The following ELMO1 variants were observed in gnomAD, a reference collection of about 807,000 sequenced individuals.
The protein encoded by ELMO1 is engulfment and cell motility protein 1.
A neutral mutation model predicts 98.9 loss-of-function variants in ELMO1; 26 were observed. The observed-to-expected ratio is 0.26, with a 90% CI of 0.19 to 0.36. ELMO1 has a LOEUF of 0.36. ELMO1 is among the 10% of genes least tolerant of loss of function. The probability of loss-of-function intolerance (pLI) is 1.00; values close to 1 mark genes in which losing one functional copy is unlikely to be tolerated. For missense variants in ELMO1, 627 were observed against 935.2 expected (o/e 0.67, Z 4.30); for synonymous variants, 346 against 346.0 (o/e 1.00, Z 0.00).
chr7:37,060,147 G>T (rs1796592505), intron 15 of ELMO1, among the ~76,000 whole-genome samples: 1 of 152,170 alleles, frequency 6.6e-6, no homozygotes, highest in Admixed American at 6.5e-5. Context: ...TAACTTGTCA[G>T]GTGTCACAGA....
chr7:36,894,259 G>C (rs6955347), intron 17 of ELMO1, among the ~76,000 whole-genome samples: 330 of 152,280 alleles, frequency 2.2e-3, no homozygotes, highest in African/African-American at 7.7e-3. Flanking sequence ...GTTGCAAGTG[G>C]CATTCCTTGC....
intron 1 of ELMO1, among the ~76,000 whole-genome samples, chr7:37,430,834 TTAA>T (rs1190832244): frequency 6.6e-6 from 1 of 152,248 alleles, no homozygotes; most frequent in Non-Finnish European, 1.5e-5. Flanking sequence ...CTATGAGAAC[TTAA>T]TAAATTTCCC....
intron 13 of ELMO1, among the ~76,000 whole-genome samples, chr7:37,171,352 G>A (rs946126106): frequency 3.3e-5 from 5 of 151,914 alleles, no homozygotes; most frequent in Admixed American, 2.0e-4. Flanking sequence ...ACCAATCAGT[G>A]GCGTCATGGG....
chr7:37,344,881 T>C (rs1413995680), intron 1 of ELMO1, among the ~76,000 whole-genome samples: 1 of 152,230 alleles, frequency 6.6e-6, no homozygotes, highest in Non-Finnish European at 1.5e-5. Context: ...TTTTGAGAAA[T>C]TGATATCTGT....
intron 4 of ELMO1, among the ~76,000 whole-genome samples, chr7:37,307,920 C>T (rs983575367): frequency 2.6e-5 from 4 of 152,156 alleles, no homozygotes; most frequent in African/African-American, 9.7e-5. Context: ...AAAGACCAGC[C>T]TGGCCAACAT....
At chr7:37,313,007 T>C (rs1407202245) in intron 4 of ELMO1, among the ~76,000 whole-genome samples, 1 of 152,250 alleles carries the variant, frequency 6.6e-6, no homozygotes, top group Non-Finnish European at 1.5e-5. Flanking sequence ...CTTTAACTGC[T>C]ATCATTTAAC....
chr7:37,177,454 T>C (rs933634039), intron 13 of ELMO1, among the ~76,000 whole-genome samples: 3 of 152,250 alleles, frequency 2.0e-5, no homozygotes, highest in Admixed American at 6.5e-5. Context: ...ATTAGTAATA[T>C]TCAAGTTACA....
At chr7:37,237,540 T>C (rs1203392103) in intron 7 of ELMO1, among the ~76,000 whole-genome samples, 1 of 152,224 alleles carries the variant, frequency 6.6e-6, no homozygotes, top group Non-Finnish European at 1.5e-5. Flanking sequence ...TCCGCCCGCC[T>C]CAGCCTCCCA....
intron 16 of ELMO1, among the ~76,000 whole-genome samples, chr7:36,975,976 T>C (rs148311305): frequency 6.6e-6 from 1 of 152,246 alleles, no homozygotes; most frequent in East Asian, 1.9e-4. Flanking sequence ...TAGTTGGAAA[T>C]TGTTATCAAT....
At chr7:37,396,845 T>A (rs189137925) in intron 1 of ELMO1, among the ~76,000 whole-genome samples, 7 of 152,350 alleles carry the variant, frequency 4.6e-5, no homozygotes, top group Non-Finnish European at 4.4e-5. Context: ...GTTCAATAAG[T>A]GTTAGCCAGA....
chr7:36,960,164 T>C (rs560688286), intron 16 of ELMO1, among the ~76,000 whole-genome samples: 2 of 152,350 alleles, frequency 1.3e-5, no homozygotes, highest in South Asian at 2.1e-4. Context: ...CATTGAGTTA[T>C]TGGGTACTCA....
chr7:36,901,857 T>C (rs1226753378), intron 16 of ELMO1, among the ~76,000 whole-genome samples: 1 of 152,174 alleles, frequency 6.6e-6, no homozygotes, highest in Non-Finnish European at 1.5e-5. Flanking sequence ...ACAAGATGAC[T>C]CTGGGTGTTT....
chr7:36,945,163 A>G (rs1787370048), intron 16 of ELMO1, among the ~76,000 whole-genome samples: 1 of 152,156 alleles, frequency 6.6e-6, no homozygotes, highest in Non-Finnish European at 1.5e-5. Flanking sequence ...CTAATTTTCA[A>G]TTATGATTGT....
chr7:37,001,693 G>A (rs1216952797), intron 16 of ELMO1, among the ~76,000 whole-genome samples: 1 of 152,170 alleles, frequency 6.6e-6, no homozygotes, highest in Admixed American at 6.5e-5. Flanking sequence ...CAGGTAAATG[G>A]GGGAAGACGT....
chr7:37,156,200 T>C (rs1274753601), intron 13 of ELMO1, among the ~76,000 whole-genome samples: 1 of 152,152 alleles, frequency 6.6e-6, no homozygotes, highest in Non-Finnish European at 1.5e-5. Flanking sequence ...TTTATAGCAC[T>C]AAATGCCCAC....
chr7:37,099,698 T>C (rs1483007478), intron 14 of ELMO1, among the ~76,000 whole-genome samples: 2 of 152,234 alleles, frequency 1.3e-5, no homozygotes, highest in Non-Finnish European at 2.9e-5. Context: ...TATTTATACA[T>C]TCTCTATCAA....
intron 16 of ELMO1, among the ~76,000 whole-genome samples, chr7:36,903,536 C>A (rs564671123): frequency 2.6e-5 from 4 of 152,362 alleles, no homozygotes; most frequent in East Asian, 1.9e-4. Context: ...TAGTTCTCAA[C>A]ATTCACTGTA....
chr7:37,097,608 GAAAA>G (rs371563717), intron 14 of ELMO1, among the ~76,000 whole-genome samples: 23 of 142,124 alleles, frequency 1.6e-4, no homozygotes, highest in African/African-American at 5.5e-4. Context: ...GAGAGAAAGA[GAAAA>G]AAAAAGAAAG....
chr7:37,227,914 T>C (rs1475855080), intron 8 of ELMO1, among the ~76,000 whole-genome samples: 2 of 152,226 alleles, frequency 1.3e-5, no homozygotes, highest in Non-Finnish European at 2.9e-5. Context: ...AAGTATTCTT[T>C]AAAATTCATG....
Sources: allele counts gnomAD v4.1 joint callset (sites outside exome capture counted in the v4.1 genomes callset), GRCh38; gene constraint gnomAD v4.1.1; transcripts MANE v1.5; gene names NCBI Gene and HGNC (gene_info 2026-07-23, HGNC 2026-07-21).